DIP2B: variants seen among roughly 807,000 people sequenced by gnomAD.
DIP2B encodes the protein disco-interacting protein 2 homolog B.
Under a neutral mutation model 198.0 loss-of-function variants are expected in DIP2B, and 76 were observed. That is an observed-to-expected ratio of 0.38 (90% CI 0.32 to 0.46). The LOEUF is 0.46. Ranked by LOEUF, DIP2B falls within the 20% of genes least tolerant of loss-of-function variation. DIP2B has a pLI of 0.99. For missense variants in DIP2B, 1,559 were observed against 1,978.4 expected (o/e 0.79, Z 4.02); for synonymous variants, 701 against 739.1 (o/e 0.95, Z 0.84).
chr12:50,574,091 C>G (rs183707414), intron 1 of DIP2B, among the ~76,000 whole-genome samples: 1 of 152,126 alleles, frequency 6.6e-6, no homozygotes, highest in East Asian at 1.9e-4. Context: ...ATTTTACAAA[C>G]AAATGTGAAG....
intron 36 of DIP2B, 25 bp from the exon 37 acceptor site, chr12:50,741,391 A>G (rs1179645405): frequency 6.2e-7 from 1 of 1,611,232 alleles, no homozygotes; most frequent in East Asian, 2.2e-5. Context: ...TCCAAGCCAC[A>G]TTTCTCTCTT....
At chr12:50,701,799 A>G (rs1223415962) in intron 19 of DIP2B, among the ~76,000 whole-genome samples, 7 of 152,160 alleles carry the variant, frequency 4.6e-5, no homozygotes, top group Non-Finnish European at 8.8e-5. Context: ...CCCATGTGCT[A>G]GCTATTTGAG....
chr12:50,541,761 G>A (rs146141444), intron 1 of DIP2B, among the ~76,000 whole-genome samples: 24 of 152,302 alleles, frequency 1.6e-4, no homozygotes, highest in African/African-American at 5.8e-4. Context: ...CAGCACTTTG[G>A]GAGGCCGAGG....
intron 1 of DIP2B, among the ~76,000 whole-genome samples, chr12:50,571,847 C>T (rs10876060): frequency 0.27 from 41,329 of 152,130 alleles, 5,973 homozygotes; most frequent in East Asian, 0.39. Flanking sequence ...CGTGAGCCAC[C>T]GCGCCCAGCC....
At chr12:50,676,899 A>G (rs1020940432) in intron 7 of DIP2B, among the ~76,000 whole-genome samples, 3 of 152,214 alleles carry the variant, frequency 2.0e-5, no homozygotes, top group Non-Finnish European at 4.4e-5. Context: ...CTGGGAATGT[A>G]CAAAGCAGAA....
rs1938991780 is a variant in DIP2B, at chr12:50,678,849, G to A, written c.1087G>A (p.Gly363Arg). The part of the protein sequence containing the change: ...CSCLTALDMT[G>R]KPVYTLTYGK... ...CTGTCTGACTGCACTGGACATGACA[G>A]GGAAACCAGTTTACACTCTTACATA... is the stretch of plus-strand genomic sequence containing the variant. The change falls in exon 8 of 38, where the codon GGG (glycine) becomes AGG (arginine). Residue 363 changes from glycine to arginine, a missense_variant. Gly to Arg is a moderately radical substitution (Grantham distance 125). Coordinates refer to ENST00000301180, the MANE Select transcript of DIP2B (RefSeq NM_173602.3). The A allele has an allele frequency of 6.2e-7, 1 of 1,614,198 alleles. No homozygotes were observed. The highest frequency in any genetic ancestry group is 2.2e-5 in the East Asian group (1 of 44,888).
At chr12:50,512,007 G>C (rs1958021791) in intron 1 of DIP2B, among the ~76,000 whole-genome samples, 1 of 149,924 alleles carries the variant, frequency 6.7e-6, no homozygotes, top group African/African-American at 2.4e-5. Context: ...AGCCCAGGCT[G>C]GTCTCAAAGT....
chr12:50,714,712 G>T (rs1422705568), intron 23 of DIP2B, 116 bp downstream of exon 23: 1 of 1,265,672 alleles, frequency 7.9e-7, no homozygotes, highest in Admixed American at 2.0e-5. Context: ...GGCCAAGGTG[G>T]GAGGGTCGTG....
intron 1 of DIP2B, among the ~76,000 whole-genome samples, chr12:50,572,249 A>G (rs1433073635): frequency 6.6e-6 from 1 of 152,208 alleles, no homozygotes; most frequent in African/African-American, 2.4e-5. Context: ...TTATCCCCAG[A>G]CTAAGACCAC....
At chr12:50,678,141 T>C (rs1320393179) in intron 7 of DIP2B, among the ~76,000 whole-genome samples, 1 of 150,792 alleles carries the variant, frequency 6.6e-6, no homozygotes, top group African/African-American at 2.4e-5. Flanking sequence ...TTTATGCCCA[T>C]TGTCTGTTTG....
intron 19 of DIP2B, among the ~76,000 whole-genome samples, 174 bp from the exon 20 acceptor site, chr12:50,703,966 T>C (rs954185086): frequency 2.6e-5 from 4 of 151,268 alleles, no homozygotes; most frequent in African/African-American, 4.8e-5. Flanking sequence ...CTTAAAAGTC[T>C]AGAGAGGTAA....
intron 1 of DIP2B, among the ~76,000 whole-genome samples, chr12:50,509,083 T>C (rs1957992608): frequency 6.6e-6 from 1 of 152,210 alleles, no homozygotes; most frequent in South Asian, 2.1e-4. Context: ...TCAGCAGATG[T>C]GTATTTTGTG....
At chr12:50,572,608 T>C (rs991996666) in intron 1 of DIP2B, among the ~76,000 whole-genome samples, 5 of 152,194 alleles carry the variant, frequency 3.3e-5, no homozygotes, top group African/African-American at 4.8e-5. Context: ...GGTTACTACA[T>C]TGACTGTTTC....
intron 36 of DIP2B, among the ~76,000 whole-genome samples, chr12:50,740,710 A>T (rs572547043): frequency 6.6e-6 from 1 of 152,306 alleles, no homozygotes; most frequent in South Asian, 2.1e-4. Context: ...TTCCTTCTGT[A>T]TCCTAGCTGG....
At chr12:50,726,475 C>T (rs182042298) in intron 28 of DIP2B, among the ~76,000 whole-genome samples, 5 of 152,142 alleles carry the variant, frequency 3.3e-5, no homozygotes, top group Admixed American at 6.5e-5. Flanking sequence ...CTCAGCCTCC[C>T]GAGTAGCTGG....
chr12:50,724,966 G>C (rs143219067), intron 28 of DIP2B, 80 bp downstream of exon 28: 2 of 1,398,810 alleles, frequency 1.4e-6, no homozygotes. Context: ...CATGCCAGAC[G>C]TGTTTACCCT....
intron 1 of DIP2B, among the ~76,000 whole-genome samples, chr12:50,577,619 A>G (rs924906345): frequency 6.6e-6 from 1 of 151,274 alleles, no homozygotes; most frequent in Non-Finnish European, 1.5e-5. Flanking sequence ...ATATTTATAT[A>G]TAATACACTT....
intron 12 of DIP2B, among the ~76,000 whole-genome samples, chr12:50,687,469 C>G (rs774528625): frequency 6.6e-6 from 1 of 152,028 alleles, no homozygotes; most frequent in South Asian, 2.1e-4. Flanking sequence ...AAATTTTTTT[C>G]AAGATCTGGG....
Position 50,704,172 on chromosome 12 carries a change from T to C in DIP2B, c.2358T>C (p.Val786=), listed in dbSNP as rs1271333530. ...CAGTGAATTCTGCAGGCTCTCCTGT[T>C]GGGGATGTGCCATTCATCCGATCAG... ...VIPVNSAGSP[V]GDVPFIRSGL... Residue 786 remains valine, a synonymous_variant, in exon 20 of 38, where the codon GTT becomes GTC. Coordinates refer to ENST00000301180, the MANE Select transcript of DIP2B (RefSeq NM_173602.3). 4.3e-6 allele frequency: 7 copies of C among 1,611,388 alleles called. No individual in the cohort carries two copies. The highest frequency in any genetic ancestry group is 1.7e-4 in the Middle Eastern group (1 of 6,058).
Sources: allele counts gnomAD v4.1 joint callset (sites outside exome capture counted in the v4.1 genomes callset), GRCh38; gene constraint gnomAD v4.1.1; transcripts MANE v1.5; gene names NCBI Gene and HGNC (gene_info 2026-07-23, HGNC 2026-07-21).